Variants in PPP2R2B observed in about 807,000 individuals in gnomAD.
PPP2R2B encodes serine/threonine-protein phosphatase 2A 55 kDa regulatory subunit B beta isoform.
Under a neutral mutation model 46.0 loss-of-function variants are expected in PPP2R2B, and 5 were observed. The observed-to-expected ratio is 0.11, with a 90% confidence interval of 0.06 to 0.23. PPP2R2B has a LOEUF of 0.23. Among genes scored for constraint, PPP2R2B ranks in the 10% least tolerant of loss-of-function variants. PPP2R2B has a pLI of 1.00. For synonymous variants in PPP2R2B, 215 were observed against 206.7 expected (o/e 1.04, Z -0.34); for missense variants, 367 against 575.0 (o/e 0.64, Z 3.70).
At chr5:146,704,510 C>T (rs144747571) in intron 2 of PPP2R2B, among the ~76,000 whole-genome samples, 10 of 152,278 alleles carry the variant, frequency 6.6e-5, no homozygotes, top group Admixed American at 2.0e-4. Context: ...AGCATTTTTC[C>T]TCTGTTGTAT....
chr5:146,829,453 C>A (rs1278745484), intron 2 of PPP2R2B, among the ~76,000 whole-genome samples: 2 of 152,116 alleles, frequency 1.3e-5, no homozygotes, highest in Non-Finnish European at 2.9e-5. Flanking sequence ...TATTTTGTTT[C>A]ATTTGCAACA....
intron 2 of PPP2R2B, among the ~76,000 whole-genome samples, chr5:146,774,161 T>C (rs1418611225): frequency 6.6e-6 from 1 of 152,178 alleles, no homozygotes; most frequent in African/African-American, 2.4e-5. Flanking sequence ...CTGCTTTGTG[T>C]TTTAGTTTTC....
intron 2 of PPP2R2B, among the ~76,000 whole-genome samples, chr5:146,819,440 G>GC (rs1249962056): frequency 6.6e-6 from 1 of 152,182 alleles, no homozygotes; most frequent in African/African-American, 2.4e-5. Flanking sequence ...CAGAACAGAA[G>GC]AGCTGAAATG....
chr5:147,075,933 T>C (rs1190061442), intron 2 of PPP2R2B, among the ~76,000 whole-genome samples: 1 of 101,770 alleles, frequency 9.8e-6, no homozygotes, highest in Admixed American at 1.0e-4. Context: ...CTATGTGTTA[T>C]GTTGTTTAAA....
chr5:146,854,692 ACACT>A (rs1235585471), intron 2 of PPP2R2B, among the ~76,000 whole-genome samples: 18 of 152,324 alleles, frequency 1.2e-4, no homozygotes, highest in Non-Finnish European at 1.9e-4. Flanking sequence ...GTATAGACAC[ACACT>A]CACCTTGTAC....
chr5:146,793,982 G>C (rs565323474), intron 2 of PPP2R2B, among the ~76,000 whole-genome samples: 2 of 152,178 alleles, frequency 1.3e-5, no homozygotes, highest in African/African-American at 4.8e-5. Flanking sequence ...TAGATATTGA[G>C]TAGAGCTCAG....
intron 2 of PPP2R2B, among the ~76,000 whole-genome samples, chr5:146,746,085 G>A (rs1338074465): frequency 6.6e-6 from 1 of 152,148 alleles, no homozygotes; most frequent in Non-Finnish European, 1.5e-5. Context: ...ACTTTAATTG[G>A]CTTGGCTATG....
Position 147,011,891 on chromosome 5 carries a change from C to T in PPP2R2B, c.79+43774G>A, listed in dbSNP as rs1446146184. The stretch of plus-strand genomic sequence containing the variant: ...ATGTTGGATTACATTTATTGATTTG[C>T]GTATATTGAACCAGCCTTGCATCCC... On this transcript the variant is annotated intron_variant, in intron 1 of 8. Coordinates refer to the PPP2R2B transcript ENST00000336640. Among the ~76,000 whole-genome samples, 174 of 98,056 alleles carry T rather than the reference C, an allele frequency of 1.8e-3. 1 individual carries two copies. The highest frequency in any genetic ancestry group is 9.2e-3 in the Middle Eastern group (2 of 218). 64.3% of individuals were successfully genotyped at this position (98,056 alleles called of 152,430 possible).
chr5:146,805,343 C>T (rs1757113365), intron 2 of PPP2R2B, among the ~76,000 whole-genome samples: 1 of 152,156 alleles, frequency 6.6e-6, no homozygotes, highest in African/African-American at 2.4e-5. Context: ...CCCCCCAACT[C>T]TTGGCATTAG....
In PPP2R2B at chr5:146,603,485, A is replaced by C. The variant is rs76191678; in HGVS notation, c.791-3025T>G. ...ATGACACCTTCACAAGATGGATGTG[A>C]AATGAAAGATGACAATTCTTCAATC... On this transcript the variant is annotated intron_variant, in intron 7 of 9. Transcript: ENST00000394411. Among the ~76,000 whole-genome samples, 1,264 of 152,330 alleles carry C rather than the reference A, an allele frequency of 8.3e-3. 23 individuals are homozygous for C. The highest frequency in any genetic ancestry group is 0.029 in the African/African-American group (1,194 of 41,564).
At chr5:146,596,623 G>T (rs942770226) in intron 8 of PPP2R2B, among the ~76,000 whole-genome samples, 5 of 152,146 alleles carry the variant, frequency 3.3e-5, no homozygotes, top group Non-Finnish European at 4.4e-5. Context: ...CCTTTCTTTT[G>T]CATTAAGGAT....
intron 2 of PPP2R2B, among the ~76,000 whole-genome samples, chr5:146,847,315 T>G (rs1309755128): frequency 6.6e-6 from 1 of 152,200 alleles, no homozygotes; most frequent in African/African-American, 2.4e-5. Context: ...TACTTCCTCC[T>G]CTTGCCTACT....
At chr5:146,827,258 C>T (rs1758638355) in intron 2 of PPP2R2B, among the ~76,000 whole-genome samples, 1 of 152,146 alleles carries the variant, frequency 6.6e-6, no homozygotes, top group African/African-American at 2.4e-5. Context: ...AGCTATGCTC[C>T]TAAGTGAATT....
chr5:146,668,986 C>T (rs1337144960), intron 5 of PPP2R2B, among the ~76,000 whole-genome samples: 3 of 151,912 alleles, frequency 2.0e-5, no homozygotes, highest in Non-Finnish European at 2.9e-5. Flanking sequence ...AAGCAGAGGA[C>T]CTTTTTAAAA....
chr5:146,724,488 C>T (rs1751725779), intron 2 of PPP2R2B, among the ~76,000 whole-genome samples: 1 of 152,098 alleles, frequency 6.6e-6, no homozygotes, highest in South Asian at 2.1e-4. Flanking sequence ...GAACACTGAA[C>T]ACATGGTAGC....
intron 1 of PPP2R2B, among the ~76,000 whole-genome samples, chr5:147,001,769 G>C (rs956407162): frequency 2.0e-5 from 3 of 152,188 alleles, no homozygotes; most frequent in Non-Finnish European, 4.4e-5. Context: ...AAAGCAACTA[G>C]TGTGGCTACC....
intron 2 of PPP2R2B, among the ~76,000 whole-genome samples, chr5:146,838,583 A>AAG (rs1759435632): frequency 6.6e-6 from 1 of 151,710 alleles, no homozygotes; most frequent in Admixed American, 6.6e-5. Flanking sequence ...AAAAAAAAAA[A>AAG]AGAAAAAAAA....
intron 2 of PPP2R2B, among the ~76,000 whole-genome samples, chr5:146,870,676 G>A (rs1002956029): frequency 6.6e-6 from 1 of 152,114 alleles, no homozygotes; most frequent in Non-Finnish European, 1.5e-5. Context: ...GGTACTCTTC[G>A]CCACGCTCCG....
chr5:146,882,201 C>T (rs555247612), upstream of PPP2R2B, among the ~76,000 whole-genome samples: 205 of 151,314 alleles, frequency 1.4e-3, no homozygotes, highest in African/African-American at 4.8e-3. Flanking sequence ...TGCTTGAACC[C>T]GGGAGGCAGA....
Sources: allele counts gnomAD v4.1 joint callset (sites outside exome capture counted in the v4.1 genomes callset), GRCh38; gene constraint gnomAD v4.1.1; transcripts MANE v1.5; gene names NCBI Gene and HGNC (gene_info 2026-07-23, HGNC 2026-07-21).